GALNT16: variants seen among roughly 807,000 people sequenced by gnomAD.
GALNT16 encodes UDP-GalNAc:polypeptide N-acetylgalactosaminyltransferase-like protein 1.
In GALNT16, 40 loss-of-function variants were observed where a neutral mutation model predicts 76.1. The ratio of observed to expected loss-of-function variants is 0.53; its 90% CI spans 0.41 to 0.68. The LOEUF is 0.68. Ranked by LOEUF, GALNT16 falls within the 30% of genes least tolerant of loss-of-function variation. The probability of loss-of-function intolerance (pLI) is 0.00; values close to 1 mark genes in which losing one functional copy is unlikely to be tolerated. For synonymous variants in GALNT16, 276 were observed against 285.2 expected, an observed-to-expected ratio of 0.97 and a Z score of 0.32; for missense variants, 621 against 731.9, an observed-to-expected ratio of 0.85 and a Z score of 1.75.
In GALNT16 at chr14:69,306,675, G is replaced by C. The variant is rs575704243; in HGVS notation, c.178-14036G>C. 6.0e-4 allele frequency among the ~76,000 whole-genome samples: 91 copies of C among 152,276 alleles called. 3 individuals are homozygous for C. In the South Asian group the frequency reaches 0.018, roughly 31 times the overall value. Reference sequence around the variant, plus strand: ...TGATTAAAATAGGAATCCTGGGTGAGAGGGCATATTTACCCTTGTCACTTA... The same window carrying C: ...TGATTAAAATAGGAATCCTGGGTGACAGGGCATATTTACCCTTGTCACTTA... On this transcript the variant is annotated intron_variant, in intron 1 of 14. Coordinates refer to ENST00000448469, the MANE Select transcript of GALNT16 (RefSeq NM_001168368.2).
intron 1 of GALNT16, among the ~76,000 whole-genome samples, chr14:69,283,851 A>C (rs1188464843): frequency 6.6e-6 from 1 of 152,116 alleles, no homozygotes; most frequent in Non-Finnish European, 1.5e-5. Context: ...TTCATTTAAG[A>C]TATATTCATT....
chr14:69,260,516 C>A, intron 1 of GALNT16, 49 bp downstream of exon 1: 1 of 1,235,440 alleles, frequency 8.1e-7, no homozygotes, highest in Non-Finnish European at 1.0e-6. Flanking sequence ...CCGCGGCGCG[C>A]GTCCAGACCC....
At chr14:69,269,140 A>T (rs371279147) in intron 1 of GALNT16, among the ~76,000 whole-genome samples, 25 of 152,006 alleles carry the variant, frequency 1.6e-4, no homozygotes, top group African/African-American at 5.6e-4. Context: ...TTTTTTTAAG[A>T]TTTTTTTCCC....
the GALNT16 span, among the ~76,000 whole-genome samples, chr14:69,373,193 C>A: frequency 1.3e-5 from 2 of 152,182 alleles, no homozygotes; most frequent in East Asian, 3.9e-4. Flanking sequence ...TGGCCAAGCC[C>A]AAGGGTCCTG....
At chr14:69,263,774 A>ACC (rs1414081244) in intron 1 of GALNT16, among the ~76,000 whole-genome samples, 2 of 152,194 alleles carry the variant, frequency 1.3e-5, no homozygotes, top group Admixed American at 1.3e-4. Flanking sequence ...CCCAAGTGTC[A>ACC]CCAATTTTGA....
chr14:69,351,911 G>C (rs1025783352), intron 14 of GALNT16, 120 bp from the exon 15 acceptor site: 58 of 891,586 alleles, frequency 6.5e-5, no homozygotes, highest in Non-Finnish European at 1.2e-5. Flanking sequence ...AAAGGAGGAG[G>C]GGGATGTGTC....
the GALNT16 span, among the ~76,000 whole-genome samples, chr14:69,364,254 T>A: frequency 6.6e-6 from 1 of 152,264 alleles, no homozygotes; most frequent in African/African-American, 2.4e-5. The surrounding 1 kb of genome is among the most constrained non-coding windows in gnomAD (Gnocchi z 4.2). Context: ...GCTGTTGACT[T>A]GCATTTTCAT....
intron 1 of GALNT16, among the ~76,000 whole-genome samples, chr14:69,279,886 C>T (rs976475076): frequency 6.6e-6 from 1 of 152,214 alleles, no homozygotes; most frequent in Admixed American, 6.5e-5. Flanking sequence ...CAACTTCACC[C>T]TGAAGCTGGT....
rs553038730 is a variant in GALNT16, at chr14:69,330,749, G to A, written c.691-715G>A. Among the ~76,000 whole-genome samples, 12 of 152,298 alleles carry A rather than the reference G, an allele frequency of 7.9e-5. No homozygotes were observed. In the South Asian group the frequency reaches 1.0e-3, roughly 13 times the overall value. ...CTGTTCCGTGTCCCCCATGGAGGGC[G>A]AAAGATGAGAAGGCTCATGAAGGGT... On this transcript the variant is annotated intron_variant, in intron 6 of 14. Transcript: ENST00000448469.
downstream of GALNT16, chr14:69,358,874 A>G (rs928050689): frequency 6.6e-6 from 1 of 152,232 alleles, no homozygotes; most frequent in Non-Finnish European, 1.5e-5. Flanking sequence ...CTCACCCTAC[A>G]ATCAGCCAAA....
At chr14:69,267,330 A>G (rs976764954) in intron 1 of GALNT16, among the ~76,000 whole-genome samples, 7 of 152,212 alleles carry the variant, frequency 4.6e-5, no homozygotes, top group Non-Finnish European at 7.3e-5. Context: ...AGAGGGGGCG[A>G]CTGGAAGAAG....
intron 1 of GALNT16, among the ~76,000 whole-genome samples, chr14:69,284,578 C>A (rs1299739610): frequency 6.6e-6 from 1 of 152,212 alleles, no homozygotes; most frequent in Non-Finnish European, 1.5e-5. Flanking sequence ...ACAGGAACCT[C>A]TTATTCAGCA....
chr14:69,288,770 T>G (rs1432096561), intron 1 of GALNT16, among the ~76,000 whole-genome samples: 1 of 152,156 alleles, frequency 6.6e-6, no homozygotes, highest in Non-Finnish European at 1.5e-5. Context: ...AAACTCAATA[T>G]GAGGTCCAGA....
At position 69,347,189 on chromosome 14, in the gene GALNT16, C is replaced by G. The variant is rs201527101; in HGVS notation, c.1413+8C>G. On this transcript the variant is annotated splice_region_variant and intron_variant, in intron 13 of 14. Coordinates refer to ENST00000448469, the MANE Select transcript of GALNT16 (RefSeq NM_001168368.2). ...AACCCGCAGCCCGCCCAGGTAAGGA[C>G]CTCGGGTAGGAATGGGAGTGGGAGA... is the stretch of plus-strand genomic sequence containing the variant. 1 of 1,599,450 alleles carries G rather than the reference C, an allele frequency of 6.3e-7. No individual in the cohort carries two copies. Among genetic ancestry groups the G allele is most frequent in the Admixed American group, 1.7e-5 (1 of 59,044 alleles).
chr14:69,260,991 G>A (rs2044262542), intron 1 of GALNT16, among the ~76,000 whole-genome samples: 1 of 152,156 alleles, frequency 6.6e-6, no homozygotes, highest in Non-Finnish European at 1.5e-5. Context: ...CTTCTGAGCC[G>A]GGTCAACTTG....
Position 69,333,757 on chromosome 14 carries a change from A to G in GALNT16, c.967+157A>G, listed in dbSNP as rs2045385669. The G allele has an allele frequency of 1.8e-6, 1 of 570,316 alleles. No individual in the cohort carries two copies. Among genetic ancestry groups the G allele is most frequent in the Non-Finnish European group, 3.1e-6 (1 of 325,628 alleles). The allele number at this position is 570,316 out of a possible 1,614,324, so 35.3% of individuals were successfully genotyped here. On this transcript the variant is annotated intron_variant, in intron 9 of 14. Coordinates refer to ENST00000448469, the MANE Select transcript of GALNT16 (RefSeq NM_001168368.2). The surrounding 1 kb of genome is among the most constrained non-coding windows in gnomAD (Gnocchi z 4.2). ...AGGACCCTCTGAGGTAAGTACCATG[A>G]TCTCCATTTTACTGATTTTAAAACC...
At chr14:69,351,504 TTCTG>T (rs2140206535) in intron 14 of GALNT16, 1 of 152,540 alleles carries the variant, frequency 6.6e-6, no homozygotes, top group Admixed American at 6.5e-5. Flanking sequence ...GGACAGGAAC[TTCTG>T]CAAACTACAG....
At chr14:69,305,353 G>A (rs1320084107) in intron 1 of GALNT16, among the ~76,000 whole-genome samples, 1 of 152,018 alleles carries the variant, frequency 6.6e-6, no homozygotes, top group East Asian at 1.9e-4. Context: ...TGTAGAGACA[G>A]GGTTTCATTG....
chr14:69,348,118 A>T, intron 14 of GALNT16, 116 bp downstream of exon 14: 1 of 1,059,854 alleles, frequency 9.4e-7, no homozygotes, highest in Non-Finnish European at 1.4e-6. Context: ...CAGAGCGAGG[A>T]TCTGTGGGGA....
Sources: gnomAD v4.1 joint callset for allele counts (sites outside exome capture counted in the v4.1 genomes callset) on GRCh38, gnomAD v4.1.1 for gene constraint, Gnocchi (gnomAD v3.1) non-coding constraint, MANE v1.5 for transcripts, NCBI Gene and HGNC (gene_info 2026-07-23, HGNC 2026-07-21) for gene names.